Variants in SMURF1 observed in about 807,000 individuals in gnomAD.
The protein encoded by SMURF1 is E3 ubiquitin-protein ligase SMURF1.
SMURF1 carries 44 observed loss-of-function variants against 98.0 expected under a neutral mutation model. The observed-to-expected ratio is 0.45, with a 90% CI of 0.35 to 0.58. The LOEUF (loss-of-function observed/expected upper bound fraction) is 0.58, where lower values mean the gene tolerates loss of function less well. SMURF1 is among the 20% of genes least tolerant of loss of function. The probability of loss-of-function intolerance (pLI) is 0.00; values close to 1 mark genes in which losing one functional copy is unlikely to be tolerated. For missense variants in SMURF1, 687 were observed against 938.4 expected, an observed-to-expected ratio of 0.73 and a Z score of 3.50; for synonymous variants, 396 against 374.9, an observed-to-expected ratio of 1.06 and a Z score of -0.65.
chr7:99,079,660 A>C (rs765756639), intron 1 of SMURF1, among the ~76,000 whole-genome samples: 67 of 151,668 alleles, frequency 4.4e-4, no homozygotes, highest in African/African-American at 1.2e-3. Flanking sequence ...ATGTAACCCC[A>C]AAAAAAAATC....
intron 14 of SMURF1, 31 bp downstream of exon 14, chr7:99,038,357 G>C (rs1323709237): frequency 1.9e-6 from 3 of 1,610,528 alleles, no homozygotes; most frequent in East Asian, 4.5e-5. Flanking sequence ...CGCGCCCCAG[G>C]CACCTGGCCG....
chr7:99,050,188 CAA>C (rs1300662570), intron 8 of SMURF1: 2 of 152,248 alleles, frequency 1.3e-5, no homozygotes, highest in East Asian at 1.9e-4. Context: ...GCCTGGGCAA[CAA>C]GAGTGAAATT....
rs376005010 is a variant in SMURF1, at chr7:99,040,284, TAC to T, written c.1550+92_1550+93del. The T allele has an allele frequency of 2.0e-3, 2,541 of 1,251,100 alleles. 67 individuals are homozygous for T. In the South Asian group the frequency reaches 0.042, roughly 21 times the overall value. The allele number at this position is 1,251,100 out of a possible 1,614,324, so 77.5% of individuals were successfully genotyped here. Reference sequence around the variant, plus strand: ...AATGGCTTCACACACATCCCCAAAATACACACACACGCGCGCGCGCGCGCACG... The same window carrying T: ...AATGGCTTCACACACATCCCCAAAATACACACACGCGCGCGCGCGCGCACG... On this transcript the variant is annotated intron_variant, in intron 13 of 17. Coordinates refer to ENST00000361368, the MANE Select transcript of SMURF1 (RefSeq NM_181349.3).
intron 1 of SMURF1, among the ~76,000 whole-genome samples, chr7:99,063,284 TATATATATATATATATATATAA>T (rs1563012891): frequency 6.4e-4 from 9 of 14,096 alleles, no homozygotes; most frequent in African/African-American, 1.4e-3. Flanking sequence ...TATATATATA[TATATATATATATATATATATAA>T]AAAGAGACAG....
intron 5 of SMURF1, among the ~76,000 whole-genome samples, chr7:99,055,184 T>G (rs190188933): frequency 5.9e-5 from 9 of 152,220 alleles, no homozygotes; most frequent in Admixed American, 1.3e-4. Flanking sequence ...AGACTTTTTT[T>G]GGGCCAGGCA....
In SMURF1 at chr7:99,143,765, T is replaced by A; in HGVS notation, c.16A>T (p.Thr6Ser). 3.9e-6 allele frequency: 6 copies of A among 1,542,162 alleles called. No homozygotes were observed. The highest frequency in any genetic ancestry group is 5.2e-6 in the Non-Finnish European group (6 of 1,144,676). The stretch of plus-strand genomic sequence containing the variant: ...TTGATGCTGGAGCCGTTCCTGCGTG[T>A]CCCGGGGTTCGACATCTCCCGCCAA... MSNPG[T>S]RRNGSSIKIR... The change falls in exon 1 of 18, where the codon ACA becomes TCA. Residue 6 changes from threonine (T) to serine (S), a missense_variant. Thr to Ser is a moderately conservative substitution (Grantham distance 58). This residue lies in a region of SMURF1 where 415 missense variants were observed against 508.4 expected (regional missense o/e 0.82). Coordinates refer to ENST00000361368, the MANE Select transcript of SMURF1 (RefSeq NM_181349.3).
At chr7:99,034,374 G>A (rs2150494266) in intron 16 of SMURF1, among the ~76,000 whole-genome samples, 1 of 152,294 alleles carries the variant, frequency 6.6e-6, no homozygotes, top group South Asian at 2.1e-4. Flanking sequence ...ACAATGACAG[G>A]GACTATCTCT....
chr7:99,054,733 G>C, intron 6 of SMURF1, 57 bp downstream of exon 6: 1 of 1,494,420 alleles, frequency 6.7e-7, no homozygotes, highest in Non-Finnish European at 9.3e-7. Context: ...TTTCCTATAG[G>C]CCGAGAGGTT....
intron 1 of SMURF1, among the ~76,000 whole-genome samples, chr7:99,127,015 G>C (rs1204013995): frequency 6.6e-6 from 1 of 152,222 alleles, no homozygotes; most frequent in East Asian, 1.9e-4. Flanking sequence ...ATCACTCAGG[G>C]ATCTAGGCTG....
chr7:99,034,635 A>G (rs1047328484), intron 16 of SMURF1, among the ~76,000 whole-genome samples: 3 of 152,042 alleles, frequency 2.0e-5, no homozygotes, highest in Non-Finnish European at 4.4e-5. Flanking sequence ...AGGCTTTGTA[A>G]ATGACAGGCA....
chr7:99,057,152 TTGAATG>T lies in SMURF1; in HGVS notation c.403+47_403+52del, dbSNP rs1795896410. The T allele has an allele frequency of 2.5e-6, 4 of 1,596,888 alleles. No homozygotes were observed. The East Asian group carries it at 8.9e-5, about 36-fold the overall frequency. Reference sequence around the variant, plus strand: ...TATGTGAGTTCTCGGCGATGAAGGGTTGAATGTAAGTTCTGGAAAAGCATCTCTTTA... The same window carrying T: ...TATGTGAGTTCTCGGCGATGAAGGGTTAAGTTCTGGAAAAGCATCTCTTTA... On this transcript the variant is annotated intron_variant, in intron 5 of 17. Transcript: ENST00000361368.
At chr7:99,112,165 T>C (rs1470803250) in intron 1 of SMURF1, among the ~76,000 whole-genome samples, 1 of 152,170 alleles carries the variant, frequency 6.6e-6, no homozygotes, top group Admixed American at 6.5e-5. Flanking sequence ...ACTGGGTGCA[T>C]GCTCAGAAAA....
intron 1 of SMURF1, among the ~76,000 whole-genome samples, chr7:99,082,528 A>G (rs947855027): frequency 6.6e-6 from 1 of 152,218 alleles, no homozygotes; most frequent in Non-Finnish European, 1.5e-5. Context: ...GACCATAAAT[A>G]TGAGGACTTA....
At chr7:99,043,161 G>A (rs1027824904) in intron 11 of SMURF1, among the ~76,000 whole-genome samples, 1 of 152,156 alleles carries the variant, frequency 6.6e-6, no homozygotes, top group Non-Finnish European at 1.5e-5. Flanking sequence ...CATTCCGACC[G>A]AGCCATGGAC....
intron 1 of SMURF1, among the ~76,000 whole-genome samples, chr7:99,084,061 G>A (rs1331987706): frequency 2.6e-5 from 4 of 152,172 alleles, no homozygotes; most frequent in Non-Finnish European, 4.4e-5. Flanking sequence ...CAGTCTAACA[G>A]ATTACTTGTC....
intron 1 of SMURF1, among the ~76,000 whole-genome samples, chr7:99,084,598 T>C (rs1008678012): frequency 2.0e-5 from 3 of 152,134 alleles, no homozygotes; most frequent in Admixed American, 6.5e-5. Flanking sequence ...ATGGCCAGGA[T>C]AGTCTCAATC....
At chr7:99,049,753 G>A in intron 8 of SMURF1, 44 bp from the exon 9 acceptor site, 1 of 1,580,276 alleles carries the variant, frequency 6.3e-7, no homozygotes, top group Non-Finnish European at 8.6e-7. Flanking sequence ...AACTGAGTAT[G>A]GAGGAATGAG....
intron 1 of SMURF1, among the ~76,000 whole-genome samples, chr7:99,088,023 G>A (rs1454728175): frequency 3.3e-5 from 5 of 151,908 alleles, no homozygotes; most frequent in Non-Finnish European, 2.9e-5. Context: ...TTGGGAGGCC[G>A]AGGCAGGTGG....
In SMURF1 at chr7:99,057,484, C is replaced by T; in HGVS notation, c.271G>A (p.Gly91Arg). 6.3e-7 allele frequency: 1 copy of T among 1,589,354 alleles called. No homozygotes were observed. Among genetic ancestry groups the T allele is most frequent in the Non-Finnish European group, 8.5e-7 (1 of 1,174,280 alleles). Reference sequence around the variant, plus strand: ...CGCACACAGCCCAGGAAGCCAGCTCCCTGTTTCTTGTGAATTTTCTTATGG... The same window carrying T: ...CGCACACAGCCCAGGAAGCCAGCTCTCTGTTTCTTGTGAATTTTCTTATGG... Reference protein sequence around the residue: ...WNHKKIHKKQGAGFLGCVRLL... With the variant: ...WNHKKIHKKQRAGFLGCVRLL... The change falls in exon 4 of 18, where the codon GGA becomes AGA. Residue 91 changes from glycine (G) to arginine (R), a missense_variant. Gly to Arg is a moderately radical substitution (Grantham distance 125). This residue lies in a region of SMURF1 where 415 missense variants were observed against 508.4 expected (regional missense o/e 0.82). Coordinates refer to ENST00000361368, the MANE Select transcript of SMURF1 (RefSeq NM_181349.3).
Sources: allele counts gnomAD v4.1 joint callset (sites outside exome capture counted in the v4.1 genomes callset), GRCh38; gene constraint gnomAD v4.1.1; regional missense constraint gnomAD v4.1.1; transcripts MANE v1.5; gene names NCBI Gene and HGNC (gene_info 2026-07-23, HGNC 2026-07-21).